Variants in LRRC37A observed in about 807,000 individuals in gnomAD.
LRRC37A encodes the protein leucine rich repeat containing 37A, also known as leucine-rich repeat-containing protein 37A.
Under a neutral mutation model 35.4 loss-of-function variants are expected in LRRC37A, and 3 were observed. The ratio of observed to expected loss-of-function variants is 0.08; its 90% CI spans 0.04 to 0.22. The LOEUF is 0.22. Ranked by LOEUF, LRRC37A falls within the 10% of genes least tolerant of loss-of-function variation. The pLI, the probability that LRRC37A is intolerant of heterozygous loss-of-function variation, is 1.00. For missense variants in LRRC37A, 67 were observed against 565.3 expected (o/e 0.12, Z 8.94); for synonymous variants, 23 against 215.0 (o/e 0.11, Z 7.81).
chr17:46,267,619 G>C, the LRRC37A span: 1 of 1,468,998 alleles, frequency 6.8e-7, no homozygotes. Context: ...TCTTTTTTTG[G>C]GACGGATGGG....
chr17:46,285,647 G>C, the LRRC37A span, among the ~76,000 whole-genome samples: 1 of 152,234 alleles, frequency 6.6e-6, no homozygotes, highest in Non-Finnish European at 1.5e-5. Flanking sequence ...GTATAAAGAA[G>C]TGAGTCACGT....
chr17:46,280,683 C>T, the LRRC37A span, among the ~76,000 whole-genome samples: 1 of 149,486 alleles, frequency 6.7e-6, no homozygotes, highest in South Asian at 2.1e-4. Flanking sequence ...AAGTGATTCT[C>T]ATGCCTCAGC....
At chr17:46,274,492 T>G in the LRRC37A span, among the ~76,000 whole-genome samples, 18,476 of 152,268 alleles carry the variant, frequency 0.12, no homozygotes, top group Non-Finnish European at 0.18. Context: ...ACATAGCAGC[T>G]CCTTTCATAG....
At chr17:46,255,821 G>A in the LRRC37A span, among the ~76,000 whole-genome samples, 13 of 151,966 alleles carry the variant, frequency 8.6e-5, no homozygotes, top group South Asian at 4.1e-4. Flanking sequence ...GACTACAGGC[G>A]CCCGCCACCA....
At chr17:46,315,337 CA>C (rs1393237539) in intron 5 of LRRC37A, among the ~76,000 whole-genome samples, 2 of 107,784 alleles carry the variant, frequency 1.9e-5, no homozygotes, top group Non-Finnish European at 4.3e-5. Flanking sequence ...CCAGCCAGGG[CA>C]ACATACTGAG....
chr17:46,265,288 CTT>C, the LRRC37A span, among the ~76,000 whole-genome samples: 34 of 109,026 alleles, frequency 3.1e-4, no homozygotes, highest in South Asian at 5.3e-3. Context: ...TCTTCTTCTT[CTT>C]CTTCTTCTTC....
the LRRC37A span, among the ~76,000 whole-genome samples, chr17:46,264,825 G>A: frequency 2.6e-5 from 4 of 152,208 alleles, no homozygotes; most frequent in Non-Finnish European, 4.4e-5. Flanking sequence ...GGGTTTCAGG[G>A]CATTCACAAC....
the LRRC37A span, among the ~76,000 whole-genome samples, chr17:46,253,738 G>A: frequency 6.7e-6 from 1 of 148,402 alleles, no homozygotes; most frequent in South Asian, 2.2e-4. Flanking sequence ...GAAAGAGAGG[G>A]AGAGGGAGAC....
At chr17:46,272,320 G>A in the LRRC37A span, among the ~76,000 whole-genome samples, 1 of 152,188 alleles carries the variant, frequency 6.6e-6, no homozygotes, top group African/African-American at 2.4e-5. Context: ...AAATAGCTGT[G>A]TTATATAGAT....
the LRRC37A span, among the ~76,000 whole-genome samples, chr17:46,279,691 T>A: frequency 6.6e-6 from 1 of 152,006 alleles, no homozygotes; most frequent in African/African-American, 2.4e-5. Context: ...AGATGGGGTT[T>A]CCTCATGTTG....
the LRRC37A span, among the ~76,000 whole-genome samples, chr17:46,270,917 A>G: frequency 2.6e-5 from 4 of 152,210 alleles, no homozygotes; most frequent in Non-Finnish European, 4.4e-5. Context: ...AACAAAAAGT[A>G]TATCTATATG....
At chr17:46,267,484 C>T in the LRRC37A span, 1 of 1,612,344 alleles carries the variant, frequency 6.2e-7, no homozygotes, top group South Asian at 1.1e-5. Context: ...TGGACTCCTC[C>T]AGCTGCAATA....
chr17:46,262,043 G>A, the LRRC37A span, among the ~76,000 whole-genome samples: 7,102 of 151,938 alleles, frequency 0.047, 917 homozygotes, highest in East Asian at 0.42. Context: ...TCCGTCTCCC[G>A]AGTTTAAGCA....
At chr17:46,253,116 C>T in the LRRC37A span, among the ~76,000 whole-genome samples, 3 of 148,332 alleles carry the variant, frequency 2.0e-5, no homozygotes, top group Non-Finnish European at 3.1e-5. Context: ...TCAGATGGGG[C>T]GGCCGGGCAG....
chr17:46,332,562 A>T, exon 10 of LRRC37A: 6 of 1,419,802 alleles, frequency 4.2e-6, no homozygotes, highest in Non-Finnish European at 5.8e-6. Flanking sequence ...CTCAAAAAAG[A>T]AGTTCCAGGA....
the LRRC37A span, chr17:46,275,386 G>A: frequency 3.0e-6 from 3 of 999,452 alleles, no homozygotes; most frequent in South Asian, 2.6e-5. Flanking sequence ...TGAACTTTAG[G>A]AAGCTGTAGA....
At chr17:46,251,040 A>T in the LRRC37A span, among the ~76,000 whole-genome samples, 2 of 152,210 alleles carry the variant, frequency 1.3e-5, no homozygotes, top group Non-Finnish European at 2.9e-5. Context: ...TTGAGGCTGC[A>T]GTGAGCTATG....
chr17:46,282,871 C>T, the LRRC37A span, among the ~76,000 whole-genome samples: 1 of 152,216 alleles, frequency 6.6e-6, no homozygotes, highest in Non-Finnish European at 1.5e-5. Context: ...GTTATCCCAG[C>T]ATTTTGGGAG....
At chr17:46,285,800 C>T in the LRRC37A span, among the ~76,000 whole-genome samples, 2 of 152,206 alleles carry the variant, frequency 1.3e-5, no homozygotes, top group African/African-American at 2.4e-5. Context: ...AGATTGGAAA[C>T]TTGAAATCCT....
Sources: allele counts gnomAD v4.1 joint callset (sites outside exome capture counted in the v4.1 genomes callset), GRCh38; gene constraint gnomAD v4.1.1; transcripts MANE v1.5; gene names NCBI Gene and HGNC (gene_info 2026-07-23, HGNC 2026-07-21).